The following TAF15 variants were observed in gnomAD, a reference collection of about 807,000 sequenced individuals.
TAF15 encodes TATA-binding protein-associated factor 2N.
Under a neutral mutation model 102.5 loss-of-function variants are expected in TAF15, and 37 were observed. The ratio of observed to expected loss-of-function variants is 0.36; its 90% CI spans 0.28 to 0.47. The LOEUF is 0.47. Among genes scored for constraint, TAF15 ranks in the 20% least tolerant of loss-of-function variants. TAF15 has a pLI of 0.99. For missense variants in TAF15, 652 were observed against 760.7 expected, an observed-to-expected ratio of 0.86 and a Z score of 1.68; for synonymous variants, 273 against 259.2, an observed-to-expected ratio of 1.05 and a Z score of -0.51.
At chr17:35,841,696 CT>C (rs549802660) in intron 11 of TAF15, among the ~76,000 whole-genome samples, 188 of 135,160 alleles carry the variant, frequency 1.4e-3, no homozygotes, top group Middle Eastern at 7.4e-3. Flanking sequence ...TCACGCCCAG[CT>C]TTTTTTTTTT....
At chr17:35,822,958 GT>G in intron 6 of TAF15, 125 bp downstream of exon 6, 1 of 1,162,800 alleles carries the variant, frequency 8.6e-7, no homozygotes, top group Non-Finnish European at 1.3e-6. Context: ...TTGAAGATAT[GT>G]TCCCTCTCAT....
intron 2 of TAF15, 30 bp downstream of exon 2, chr17:35,817,785 A>G (rs573809637): frequency 6.2e-7 from 1 of 1,603,344 alleles, no homozygotes; most frequent in Non-Finnish European, 8.5e-7. Context: ...TAATAATATG[A>G]AAGGGTAGAA....
intron 1 of TAF15, among the ~76,000 whole-genome samples, chr17:35,812,160 G>A (rs1022119765): frequency 1.3e-5 from 2 of 152,194 alleles, no homozygotes; most frequent in African/African-American, 4.8e-5. Context: ...TGTACATTAT[G>A]TGAAGGAATG....
chr17:35,835,479 A>C (rs1453281467), intron 9 of TAF15, among the ~76,000 whole-genome samples: 1 of 152,236 alleles, frequency 6.6e-6, no homozygotes, highest in Non-Finnish European at 1.5e-5. Context: ...TTTGAGCTAA[A>C]AATTTGAAAT....
At position 35,844,833 on chromosome 17, in the gene TAF15, C is replaced by T. The variant is rs1392273513; in HGVS notation, c.1534C>T (p.Arg512Ter). ...GGDRGGYGGD[R>*]GGYGGDRGGY... ...AGATCGAGGAGGTTACGGAGGAGATCGAGGAGGTTATGGAGGAGATCGAGG... is the reference window on the plus strand; with the variant it reads ...AGATCGAGGAGGTTACGGAGGAGATTGAGGAGGTTATGGAGGAGATCGAGG... Residue 512 changes from arginine to a stop codon, truncating the protein, a stop_gained, in exon 15 of 16, where the codon CGA (arginine) becomes TGA (stop). Transcript: ENST00000605844. LOFTEE classifies it high-confidence loss of function. 1.9e-6 allele frequency: 3 copies of T among 1,588,434 alleles called. No individual in the cohort carries two copies. Among genetic ancestry groups the T allele is most frequent in the Non-Finnish European group, 2.6e-6 (3 of 1,167,396 alleles).
At chr17:35,815,375 T>C (rs554038779) in intron 1 of TAF15, among the ~76,000 whole-genome samples, 4 of 152,324 alleles carry the variant, frequency 2.6e-5, no homozygotes, top group East Asian at 1.9e-4. Flanking sequence ...ACCTGCACTT[T>C]ATCACTCAAG....
At chr17:35,836,347 A>T in intron 10 of TAF15, 106 bp downstream of exon 10, 2 of 797,086 alleles carry the variant, frequency 2.5e-6, no homozygotes, top group Non-Finnish European at 4.1e-6. Context: ...GTCTCTTAAA[A>T]TTTTGTGATG....
Position 35,834,745 on chromosome 17 carries a change from T to A in TAF15, c.673+147T>A, listed in dbSNP as rs968545416. ...AGAACTGGGGAGCTTTATTTCTTTTTTTTTTTTTTTTTTTTTTGAGATGGA... is the reference window on the plus strand; with the variant it reads ...AGAACTGGGGAGCTTTATTTCTTTTATTTTTTTTTTTTTTTTTGAGATGGA... On this transcript the variant is annotated intron_variant, in intron 9 of 15. Transcript: ENST00000605844. The A allele has an allele frequency of 4.9e-4, 301 of 616,544 alleles. 5 individuals carry two copies. In the African/African-American group the frequency reaches 6.4e-3, roughly 13 times the overall value. 38.2% of individuals were successfully genotyped at this position (616,544 alleles called of 1,614,324 possible).
chr17:35,809,808 T>C, intron 1 of TAF15: 1 of 614,590 alleles, frequency 1.6e-6, no homozygotes, highest in Non-Finnish European at 2.9e-6. Flanking sequence ...CTTTTGACCC[T>C]GTCCTTGGAA....
At chr17:35,817,432 G>T in intron 1 of TAF15, 1 of 410,464 alleles carries the variant, frequency 2.4e-6, no homozygotes, top group Non-Finnish European at 4.4e-6. Flanking sequence ...ATTGCTTAAG[G>T]TCTTGAGTCT....
intron 7 of TAF15, among the ~76,000 whole-genome samples, chr17:35,831,406 CAA>C (rs768297689): frequency 4.7e-4 from 36 of 77,408 alleles, no homozygotes; most frequent in Admixed American, 5.5e-4. Flanking sequence ...GACTCCGTCG[CAA>C]AAAAAAAAAA....
At chr17:35,819,540 T>C (rs766115217) in intron 2 of TAF15, among the ~76,000 whole-genome samples, 1 of 152,200 alleles carries the variant, frequency 6.6e-6, no homozygotes, top group East Asian at 1.9e-4. Flanking sequence ...ACTGGACTTC[T>C]AGTGCCTCCC....
chr17:35,840,527 C>T (rs1256723754), intron 11 of TAF15, among the ~76,000 whole-genome samples: 1 of 150,166 alleles, frequency 6.7e-6, no homozygotes, highest in East Asian at 2.0e-4. Flanking sequence ...GCTGGGATTA[C>T]AGGCGCTCAC....
At chr17:35,809,703 G>A (rs2087101769) in intron 1 of TAF15, 127 bp downstream of exon 1, 6 of 1,322,656 alleles carry the variant, frequency 4.5e-6, no homozygotes, top group Non-Finnish European at 5.3e-6. Flanking sequence ...GGGTGGGGGG[G>A]CGGCCGCTGC....
intron 1 of TAF15, chr17:35,810,180 G>GTAATTTAGCTTCCTCTTCACTC (rs1555614567): frequency 6.3e-6 from 1 of 157,816 alleles, no homozygotes; most frequent in African/African-American, 2.5e-5. Flanking sequence ...TGTTTGCATA[G>GTAATTTAGCTTCCTCTTCACTC]TAATTTAGCT....
At chr17:35,832,860 C>G (rs1440262347) in intron 7 of TAF15, among the ~76,000 whole-genome samples, 1 of 151,998 alleles carries the variant, frequency 6.6e-6, no homozygotes, top group Non-Finnish European at 1.5e-5. Context: ...TCTAATTTGC[C>G]AGATAAAAGT....
intron 9 of TAF15, 147 bp downstream of exon 9, chr17:35,834,745 T>C (rs968545416): frequency 2.4e-5 from 15 of 616,488 alleles, no homozygotes; most frequent in South Asian, 1.1e-4. Flanking sequence ...TATTTCTTTT[T>C]TTTTTTTTTT....
At chr17:35,819,465 G>A (rs1021285427) in intron 2 of TAF15, among the ~76,000 whole-genome samples, 5 of 152,036 alleles carry the variant, frequency 3.3e-5, no homozygotes, top group African/African-American at 9.7e-5. Context: ...CTGAGGATAC[G>A]GTATAATTTC....
At chr17:35,828,100 A>T (rs921538517) in intron 7 of TAF15, among the ~76,000 whole-genome samples, 6 of 152,202 alleles carry the variant, frequency 3.9e-5, no homozygotes, top group Non-Finnish European at 7.3e-5. Context: ...TATGCCATCA[A>T]ATTTAGTAGC....
Sources: allele counts gnomAD v4.1 joint callset (sites outside exome capture counted in the v4.1 genomes callset), GRCh38; gene constraint gnomAD v4.1.1; transcripts MANE v1.5; gene names NCBI Gene and HGNC (gene_info 2026-07-23, HGNC 2026-07-21).